Variants in MARCHF4 observed in about 807,000 individuals in gnomAD.
MARCHF4 encodes the protein E3 ubiquitin-protein ligase MARCHF4.
MARCHF4 carries 14 observed loss-of-function variants against 43.9 expected under a neutral mutation model. The observed-to-expected ratio is 0.32, with a 90% confidence interval of 0.21 to 0.50. The LOEUF is 0.50. MARCHF4 is among the 20% of genes least tolerant of loss of function. The pLI is 0.98. For synonymous variants in MARCHF4, 226 were observed against 213.3 expected, an observed-to-expected ratio of 1.06 and a Z score of -0.52; for missense variants, 468 against 536.7, an observed-to-expected ratio of 0.87 and a Z score of 1.27.
intron 1 of MARCHF4, among the ~76,000 whole-genome samples, chr2:216,307,824 C>T (rs746445029): frequency 6.6e-6 from 1 of 152,098 alleles, no homozygotes; most frequent in Admixed American, 6.5e-5. Flanking sequence ...GTGGGAAGAG[C>T]GCTTGAGGCC....
At chr2:216,273,108 G>A (rs1690964964) in intron 3 of MARCHF4, among the ~76,000 whole-genome samples, 1 of 152,242 alleles carries the variant, frequency 6.6e-6, no homozygotes, top group African/African-American at 2.4e-5. Context: ...TCCTGGCAGG[G>A]CGTATCTGCA....
intron 1 of MARCHF4, among the ~76,000 whole-genome samples, chr2:216,296,949 C>T (rs1040545351): frequency 2.6e-5 from 4 of 152,196 alleles, no homozygotes; most frequent in Admixed American, 1.3e-4. Context: ...AGATTGATGC[C>T]TCGTCGTTCT....
intron 3 of MARCHF4, among the ~76,000 whole-genome samples, chr2:216,263,493 A>AAGAGAGAGAGAGAGAG (rs150783185): frequency 5.1e-5 from 3 of 58,882 alleles, no homozygotes; most frequent in Admixed American, 2.0e-4. Context: ...AGGAGAGAGA[A>AAGAGAGAGAGAGAGAG]AGAGAGAGAG....
Position 216,259,424 on chromosome 2 carries a change from T to G in MARCHF4, c.1121A>C (p.His374Pro), listed in dbSNP as rs1690703317. Residue 374 changes from histidine (H) to proline (P), a missense_variant, in exon 4 of 4, where the codon CAT becomes CCT. By Grantham distance (77) the His-to-Pro change is moderately conservative. This residue lies in a region of MARCHF4 where 120 missense variants were observed against 127.1 expected (regional missense o/e 0.94). Coordinates refer to ENST00000273067, the MANE Select transcript of MARCHF4 (RefSeq NM_020814.3). ...AAGHPSGPLS[H>P]HHCAYTILHI... is the part of the protein sequence containing the mutation. ...CAGGATGGTATAAGCACAGTGGTGA[T>G]GGGACAGAGGGCCTGAGGGGTGGCC... The G allele has an allele frequency of 6.2e-7, 1 of 1,613,856 alleles. No individual in the cohort carries two copies. Among genetic ancestry groups the G allele is most frequent in the Non-Finnish European group, 8.5e-7 (1 of 1,179,922 alleles).
intron 1 of MARCHF4, among the ~76,000 whole-genome samples, chr2:216,306,246 T>C (rs1691584353): frequency 6.6e-6 from 1 of 152,238 alleles, no homozygotes; most frequent in South Asian, 2.1e-4. Context: ...TGATCAATCT[T>C]TTAAAATATA....
intron 1 of MARCHF4, among the ~76,000 whole-genome samples, chr2:216,326,233 G>A (rs1352298539): frequency 6.6e-6 from 1 of 152,184 alleles, no homozygotes; most frequent in Non-Finnish European, 1.5e-5. Context: ...CTGGCCATCA[G>A]AGAAATGCAA....
intron 1 of MARCHF4, among the ~76,000 whole-genome samples, chr2:216,342,994 G>T (rs558991533): frequency 6.6e-6 from 1 of 152,300 alleles, no homozygotes; most frequent in East Asian, 1.9e-4. Context: ...GAAGCATGGG[G>T]ACAGGAGCAT....
chr2:216,260,628 T>C (rs1690726929), intron 3 of MARCHF4, among the ~76,000 whole-genome samples: 1 of 152,090 alleles, frequency 6.6e-6, no homozygotes. Flanking sequence ...ACCAATACAG[T>C]GCAGCAGTGA....
At chr2:216,277,563 C>A in intron 3 of MARCHF4, 109 bp downstream of exon 3, 1 of 1,195,548 alleles carries the variant, frequency 8.4e-7, no homozygotes, top group Admixed American at 2.3e-5. Flanking sequence ...GTTCTCAAGC[C>A]TGGGGCCATA....
At chr2:216,328,244 A>G (rs143695127) in intron 1 of MARCHF4, among the ~76,000 whole-genome samples, 3,430 of 152,256 alleles carry the variant, frequency 0.023, 137 homozygotes, top group African/African-American at 0.078. Flanking sequence ...ATCTTGGCTC[A>G]CTGCAACCTC....
intron 1 of MARCHF4, among the ~76,000 whole-genome samples, chr2:216,327,377 T>C (rs1489842518): frequency 6.7e-6 from 1 of 149,814 alleles, no homozygotes; most frequent in Admixed American, 6.6e-5. Flanking sequence ...CAGATTCTAT[T>C]TTTTTCCCCT....
At chr2:216,302,387 T>C (rs1574468871) in intron 1 of MARCHF4, among the ~76,000 whole-genome samples, 1 of 28,414 alleles carries the variant, frequency 3.5e-5, no homozygotes, top group South Asian at 2.0e-3. Flanking sequence ...CCCATCTAAT[T>C]TTTTTTTTTT....
intron 1 of MARCHF4, 66 bp downstream of exon 1, chr2:216,369,679 G>C: frequency 7.5e-7 from 1 of 1,328,510 alleles, no homozygotes; most frequent in Non-Finnish European, 1.0e-6. Context: ...AGGGCAAGCA[G>C]GCGAGTAGCA....
chr2:216,292,166 G>T (rs756469934), intron 1 of MARCHF4, among the ~76,000 whole-genome samples: 1 of 152,202 alleles, frequency 6.6e-6, no homozygotes, highest in Non-Finnish European at 1.5e-5. Flanking sequence ...TATGTTAGGG[G>T]GTGGGACAAC....
intron 3 of MARCHF4, 41 bp from the exon 4 acceptor site, chr2:216,259,720 G>C: frequency 1.9e-6 from 3 of 1,581,812 alleles, no homozygotes; most frequent in Non-Finnish European, 2.6e-6. Context: ...CCAAATGAGA[G>C]GAAGTGGGTC....
chr2:216,302,682 G>A (rs1691509587), intron 1 of MARCHF4, among the ~76,000 whole-genome samples: 1 of 151,678 alleles, frequency 6.6e-6, no homozygotes, highest in African/African-American at 2.4e-5. Context: ...CGGATCACTT[G>A]AGGTCAGGAG....
chr2:216,336,384 C>T (rs1236255916), intron 1 of MARCHF4, among the ~76,000 whole-genome samples: 2 of 152,092 alleles, frequency 1.3e-5, no homozygotes, highest in Non-Finnish European at 2.9e-5. Flanking sequence ...ATCCGTAATG[C>T]CTGCTTAAGA....
At chr2:216,285,184 C>T (rs1691199165) in intron 1 of MARCHF4, among the ~76,000 whole-genome samples, 1 of 152,196 alleles carries the variant, frequency 6.6e-6, no homozygotes, top group Non-Finnish European at 1.5e-5. Context: ...GCCTGCACTG[C>T]CTTGAGGAAC....
chr2:216,333,084 G>C (rs761525242), intron 1 of MARCHF4, among the ~76,000 whole-genome samples: 1 of 152,186 alleles, frequency 6.6e-6, no homozygotes, highest in African/African-American at 2.4e-5. Context: ...ATGTTTTCAT[G>C]ATCTTTGGGA....
Sources: gnomAD v4.1 joint callset for allele counts (sites outside exome capture counted in the v4.1 genomes callset) on GRCh38, gnomAD v4.1.1 for gene constraint, gnomAD v4.1.1 regional missense constraint, MANE v1.5 for transcripts, NCBI Gene and HGNC (gene_info 2026-07-23, HGNC 2026-07-21) for gene names.